Variants in TPO observed in about 807,000 individuals in gnomAD.
The protein encoded by TPO is thyroid microsomal antigen.
A neutral mutation model predicts 96.9 loss-of-function variants in TPO; 78 were observed. The ratio of observed to expected loss-of-function variants is 0.81; its 90% CI spans 0.67 to 0.97. The LOEUF is 0.97. Among genes scored for constraint, TPO ranks in the 50% least tolerant of loss-of-function variants. The pLI, the probability that TPO is intolerant of heterozygous loss-of-function variation, is 0.00. For synonymous variants in TPO, 547 were observed against 538.0 expected (o/e 1.02, Z -0.23); for missense variants, 1,252 against 1,274.8 (o/e 0.98, Z 0.27).
At chr2:1,531,084 CCACT>C (rs1678055154) in intron 15 of TPO, among the ~76,000 whole-genome samples, 1 of 102,662 alleles carries the variant, frequency 9.7e-6, no homozygotes, top group Non-Finnish European at 2.0e-5. Flanking sequence ...TCAAATCCCC[CCACT>C]GTGTGCAACC....
intron 8 of TPO, among the ~76,000 whole-genome samples, chr2:1,480,559 T>TACACACACACAAAC (rs1670455702): frequency 2.3e-5 from 1 of 44,344 alleles, no homozygotes; most frequent in Non-Finnish European, 4.1e-5. Flanking sequence ...TCAAACCCCC[T>TACACACACACAAAC]ACACACACAC....
chr2:1,493,217 G>A (rs1402638930), intron 10 of TPO, among the ~76,000 whole-genome samples: 1 of 118,494 alleles, frequency 8.4e-6, no homozygotes, highest in Non-Finnish European at 1.8e-5. Flanking sequence ...GGTGGGGGGG[G>A]GGGTGCTGGC....
intron 15 of TPO, among the ~76,000 whole-genome samples, chr2:1,534,679 G>T (rs1296474046): frequency 7.4e-5 from 8 of 108,052 alleles, no homozygotes; most frequent in Non-Finnish European, 1.3e-4. Flanking sequence ...CCCACTCTGT[G>T]CAACTTCCAA....
intron 13 of TPO, among the ~76,000 whole-genome samples, chr2:1,503,430 C>T (rs1391346516): frequency 3.3e-5 from 5 of 152,348 alleles, no homozygotes; most frequent in South Asian, 4.1e-4. Flanking sequence ...TGGAAACATA[C>T]GCCTAGGGGA....
rs1226012201 is a variant in TPO at position 1,504,094 on chromosome 2, C to T, written c.2518+15C>T. Reference sequence around the variant, plus strand: ...AACCTGCGTAGGTGAGGCTGTTCCCCTCTCTCTCTGTCCGTCCATTTGCGA... The same window carrying T: ...AACCTGCGTAGGTGAGGCTGTTCCCTTCTCTCTCTGTCCGTCCATTTGCGA... On this transcript the variant is annotated intron_variant, in intron 14 of 16. Coordinates refer to ENST00000329066, the MANE Select transcript of TPO (RefSeq NM_001206744.2). 1 of 1,613,480 alleles carries T rather than the reference C, an allele frequency of 6.2e-7. No homozygotes were observed. The highest frequency in any genetic ancestry group is 1.1e-5 in the South Asian group (1 of 91,084).
At chr2:1,519,587 G>A (rs1675046421) in intron 15 of TPO, among the ~76,000 whole-genome samples, 1 of 152,060 alleles carries the variant, frequency 6.6e-6, no homozygotes, top group Non-Finnish European at 1.5e-5. Flanking sequence ...TGAATCATTT[G>A]GTCTTTAAAC....
At chr2:1,429,748 A>G (rs539336132) in intron 3 of TPO, among the ~76,000 whole-genome samples, 3 of 152,334 alleles carry the variant, frequency 2.0e-5, no homozygotes, top group Admixed American at 6.5e-5. Context: ...GTGGGCATCT[A>G]TGGAAATTTG....
At chr2:1,524,856 T>A (rs2125132301) in intron 15 of TPO, among the ~76,000 whole-genome samples, 2 of 97,414 alleles carry the variant, frequency 2.1e-5, no homozygotes, top group Admixed American at 1.2e-4. Flanking sequence ...CCTCCCCAAA[T>A]CCCCCCACTG....
chr2:1,415,127 C>T (rs534675194), intron 2 of TPO, among the ~76,000 whole-genome samples: 94 of 147,096 alleles, frequency 6.4e-4, no homozygotes, highest in Non-Finnish European at 1.1e-3. Context: ...CCGGGCAGGT[C>T]CCTGGGCCTC....
intron 15 of TPO, among the ~76,000 whole-genome samples, chr2:1,532,488 G>C: frequency 1.0e-5 from 1 of 99,346 alleles, no homozygotes; most frequent in Non-Finnish European, 2.0e-5. Flanking sequence ...CCCCCACAGT[G>C]CAAAACCTCC....
At chr2:1,514,877 G>A (rs924163438) in intron 14 of TPO, among the ~76,000 whole-genome samples, 1 of 152,178 alleles carries the variant, frequency 6.6e-6, no homozygotes, top group African/African-American at 2.4e-5. Flanking sequence ...AGCTGCTTAC[G>A]TCCCTGCTGT....
chr2:1,541,126 C>T lies in TPO; in HGVS notation c.2748+403C>T, dbSNP rs28915679. 9.3e-6 allele frequency: 11 copies of T among 1,188,196 alleles called. No homozygotes were observed. In the East Asian group the frequency reaches 1.7e-4, roughly 19 times the overall value. The allele number at this position is 1,188,196 out of a possible 1,614,324, so 73.6% of individuals were successfully genotyped here. On this transcript the variant is annotated intron_variant, in intron 16 of 16. Transcript: ENST00000329066. ...AAATGTGTATGTTTATGTTTTACCC[C>T]CTTACCTTGTATGCAGAACCCCAAG...
chr2:1,447,901 A>C (rs1438132239), intron 5 of TPO, among the ~76,000 whole-genome samples: 1 of 152,206 alleles, frequency 6.6e-6, no homozygotes, highest in Admixed American at 6.5e-5. Flanking sequence ...GAGGGAGAGA[A>C]CCTGAGTTAA....
At chr2:1,496,503 C>A in intron 12 of TPO, 92 bp from the exon 13 acceptor site, 1 of 1,571,344 alleles carries the variant, frequency 6.4e-7, no homozygotes, top group Non-Finnish European at 8.7e-7. Flanking sequence ...ACCAGCCCCT[C>A]CAGGGCACAA....
intron 2 of TPO, among the ~76,000 whole-genome samples, chr2:1,420,541 T>C (rs1024491916): frequency 1.3e-5 from 2 of 152,084 alleles, no homozygotes; most frequent in Non-Finnish European, 2.9e-5. Flanking sequence ...TTTCATGAGA[T>C]GAAGGATAAA....
intron 1 of TPO, among the ~76,000 whole-genome samples, chr2:1,405,012 C>T (rs1357558217): frequency 6.6e-6 from 1 of 152,100 alleles, no homozygotes; most frequent in African/African-American, 2.4e-5. Flanking sequence ...TGTACCCACG[C>T]AGCCATCCAT....
rs2280126 is a variant in TPO at position 1,542,768 on chromosome 2, A to C, written c.*294A>C. On this transcript the variant is annotated 3_prime_UTR_variant, in exon 17 of 17. Transcript: ENST00000329066. ...TGAACCCTGGAAACACCACTCTTGC[A>C]ATCCTCCTGTCTCCACCTTCTGGCA... The C allele has an allele frequency of 0.035, 25,474 of 734,362 alleles. 1,576 individuals are homozygous for C. Among genetic ancestry groups the C allele is most frequent in the African/African-American group, 0.18 (10,453 of 56,536 alleles). 45.5% of individuals were successfully genotyped at this position (734,362 alleles called of 1,614,324 possible). A position where few individuals can be genotyped will look rare whatever the true frequency, so the allele number is the denominator to read the frequency against.
chr2:1,524,923 GTGTGCAACCTCCTCAAATCCCGACTC>G (rs1288732190), intron 15 of TPO, among the ~76,000 whole-genome samples: 10 of 112,998 alleles, frequency 8.8e-5, no homozygotes, highest in Middle Eastern at 6.5e-3. Context: ...CTCCCCCGCT[GTGTGCAACCTCCTCAAATCCCGACTC>G]TGTGCAACCT....
intron 15 of TPO, 118 bp from the exon 16 acceptor site, chr2:1,540,476 G>GGAGTGTTCC (rs1680605586): frequency 6.3e-7 from 1 of 1,594,528 alleles, no homozygotes; most frequent in South Asian, 1.1e-5. Context: ...AAAGTGGGTT[G>GGAGTGTTCC]GAGTGTTCCT....
Sources: allele counts gnomAD v4.1 joint callset (sites outside exome capture counted in the v4.1 genomes callset), GRCh38; gene constraint gnomAD v4.1.1; transcripts MANE v1.5; gene names NCBI Gene and HGNC (gene_info 2026-07-23, HGNC 2026-07-21).